Variants in MICAL3 observed in about 807,000 individuals in gnomAD.
MICAL3 encodes [F-actin]-monooxygenase MICAL3.
Under a neutral mutation model 207.4 loss-of-function variants are expected in MICAL3, and 62 were observed. The observed-to-expected ratio is 0.30, with a 90% CI of 0.24 to 0.37. The LOEUF (loss-of-function observed/expected upper bound fraction) is 0.37. Among genes scored for constraint, MICAL3 ranks in the 10% least tolerant of loss-of-function variants. The pLI, the probability that MICAL3 is intolerant of heterozygous loss-of-function variation, is 1.00. For synonymous variants in MICAL3, 1,077 were observed against 1,069.3 expected, an observed-to-expected ratio of 1.01 and a Z score of -0.14; for missense variants, 2,368 against 2,635.6, an observed-to-expected ratio of 0.90 and a Z score of 2.22.
chr22:17,961,381 G>A (rs1259014503), intron 1 of MICAL3, among the ~76,000 whole-genome samples: 1 of 152,156 alleles, frequency 6.6e-6, no homozygotes, highest in African/African-American at 2.4e-5. Flanking sequence ...ATAACCCGCG[G>A]CCATTCTCAC....
chr22:17,788,813 A>C lies in MICAL3; in HGVS notation c.*1919T>G, dbSNP rs1262192236. 1.3e-5 allele frequency: 2 copies of C among 152,480 alleles called. No homozygotes were observed. The highest frequency in any genetic ancestry group is 4.8e-5 in the African/African-American group (2 of 41,478). The allele number at this position is 152,480 out of a possible 1,614,324, so 9.4% of individuals were successfully genotyped here. ...CCTTTGCAGCTGGGATGAATGTTCA[A>C]GTTGAAGCACAGTGTGGTTCCCATG... is the stretch of plus-strand genomic sequence containing the variant. On this transcript the variant is annotated 3_prime_UTR_variant, in exon 32 of 32. Coordinates refer to ENST00000441493, the MANE Select transcript of MICAL3 (RefSeq NM_015241.3).
At chr22:17,822,778 C>T (rs774044874) in intron 23 of MICAL3, among the ~76,000 whole-genome samples, 169 bp downstream of exon 23, 27 of 152,160 alleles carry the variant, frequency 1.8e-4, no homozygotes, top group Non-Finnish European at 2.8e-4. Flanking sequence ...GCCTGGTGCT[C>T]GTGGGTAGGT....
chr22:17,823,212 C>T (rs770211023), intron 22 of MICAL3, among the ~76,000 whole-genome samples, 152 bp from the exon 23 acceptor site: 1 of 152,252 alleles, frequency 6.6e-6, no homozygotes, highest in Non-Finnish European at 1.5e-5. Context: ...GGGCTCTCCA[C>T]ACGTAGCATG....
chr22:17,912,031 G>A (rs182061501), intron 1 of MICAL3, among the ~76,000 whole-genome samples: 2 of 152,150 alleles, frequency 1.3e-5, no homozygotes, highest in African/African-American at 2.4e-5. Context: ...TAATTTGACC[G>A]TAAGTGAGGT....
At chr22:17,853,197 T>C (rs1925519417) in intron 19 of MICAL3, among the ~76,000 whole-genome samples, 1 of 152,172 alleles carries the variant, frequency 6.6e-6, no homozygotes, top group Non-Finnish European at 1.5e-5. Flanking sequence ...TCACATCCCA[T>C]TCACGCAGGC....
At chr22:17,809,454 T>C (rs1817791276) in intron 28 of MICAL3, among the ~76,000 whole-genome samples, 2 of 152,154 alleles carry the variant, frequency 1.3e-5, no homozygotes, top group South Asian at 4.1e-4. Context: ...GCTAGCATGG[T>C]GAAACCCTGT....
chr22:17,849,682 GTGTGTATT>G (rs1262897269), intron 19 of MICAL3, among the ~76,000 whole-genome samples: 1 of 114,516 alleles, frequency 8.7e-6, no homozygotes, highest in African/African-American at 3.6e-5. Flanking sequence ...GTGTGTGTGT[GTGTGTATT>G]TTTTTTTTTT....
In MICAL3 at chr22:17,818,386, G is replaced by A. The variant is rs1341574816; in HGVS notation, c.4275C>T (p.Ser1425=). 4 of 1,609,398 alleles carry A rather than the reference G, an allele frequency of 2.5e-6. No individual in the cohort carries two copies. Among genetic ancestry groups the A allele is most frequent in the Non-Finnish European group, 2.5e-6 (3 of 1,179,214 alleles). Residue 1425 remains serine (S), a synonymous_variant, in exon 26 of 32, where the codon AGC becomes AGT. Coordinates refer to ENST00000441493, the MANE Select transcript of MICAL3 (RefSeq NM_015241.3). ...AQEERRELSS[S]SGLGLHGSSS... ...AGCTCCCGTGCAGGCCCAGGCCAGA[G>A]CTGCTGGACAGCTCCCTGCGCTCCT...
chr22:17,881,915 T>C (rs1929469882), intron 16 of MICAL3, among the ~76,000 whole-genome samples: 1 of 152,236 alleles, frequency 6.6e-6, no homozygotes, highest in Admixed American at 6.5e-5. Flanking sequence ...CTCCACCGTA[T>C]TCCCTTCGAG....
intron 1 of MICAL3, among the ~76,000 whole-genome samples, chr22:17,997,221 G>A (rs1257301770): frequency 1.3e-5 from 2 of 151,642 alleles, no homozygotes; most frequent in Non-Finnish European, 2.9e-5. Flanking sequence ...ACACCACCAC[G>A]CCCAGCTAAT....
intron 30 of MICAL3, 22 bp downstream of exon 30, chr22:17,791,180 C>T (rs781436458): frequency 1.3e-5 from 21 of 1,612,058 alleles, no homozygotes; most frequent in Non-Finnish European, 1.7e-5. Context: ...AGCGCTGACG[C>T]CCCCTACCCA....
At chr22:17,998,716 A>C (rs1429824637) in intron 1 of MICAL3, among the ~76,000 whole-genome samples, 2 of 151,870 alleles carry the variant, frequency 1.3e-5, no homozygotes, top group African/African-American at 4.8e-5. Context: ...GCGCACCACC[A>C]CGCCCAGCTG....
At chr22:17,931,049 C>A (rs1248555195) in intron 1 of MICAL3, among the ~76,000 whole-genome samples, 2 of 152,226 alleles carry the variant, frequency 1.3e-5, no homozygotes, top group Non-Finnish European at 2.9e-5. Context: ...TGAGCTCGGG[C>A]CTGTCCAACC....
intron 1 of MICAL3, among the ~76,000 whole-genome samples, chr22:17,995,861 A>C (rs1032571279): frequency 6.6e-6 from 1 of 151,866 alleles, no homozygotes; most frequent in Non-Finnish European, 1.5e-5. Context: ...GAACTCACCA[A>C]TGAGAAAAAG....
At chr22:17,959,297 G>C (rs141369450) in intron 1 of MICAL3, among the ~76,000 whole-genome samples, 1 of 151,378 alleles carries the variant, frequency 6.6e-6, no homozygotes, top group East Asian at 1.9e-4. Flanking sequence ...TTACAGGTGT[G>C]AGCCACCGTG....
At chr22:17,955,637 A>G (rs1027476112) in intron 1 of MICAL3, among the ~76,000 whole-genome samples, 1 of 152,222 alleles carries the variant, frequency 6.6e-6, no homozygotes, top group African/African-American at 2.4e-5. Context: ...TAATATCCTC[A>G]TTTAATTCTT....
chr22:17,890,500 A>G (rs1930311491), intron 12 of MICAL3, among the ~76,000 whole-genome samples: 2 of 152,012 alleles, frequency 1.3e-5, no homozygotes, highest in African/African-American at 2.4e-5. Context: ...AATAAGCCCT[A>G]TTTTTACTTA....
intron 5 of MICAL3, among the ~76,000 whole-genome samples, chr22:17,901,487 G>A (rs76558595): frequency 0.039 from 5,925 of 152,036 alleles, 176 homozygotes; most frequent in Non-Finnish European, 0.058. Flanking sequence ...CATGCAACAT[G>A]GCGAAAACCC....
At chr22:18,019,717 G>GA (rs1216816467) in intron 1 of MICAL3, 3 of 175,158 alleles carry the variant, frequency 1.7e-5, no homozygotes, top group South Asian at 2.6e-4. Flanking sequence ...AAAAGAAAAA[G>GA]AAAAAAAGGG....
Sources: allele counts gnomAD v4.1 joint callset (sites outside exome capture counted in the v4.1 genomes callset), GRCh38; gene constraint gnomAD v4.1.1; transcripts MANE v1.5; gene names NCBI Gene and HGNC (gene_info 2026-07-23, HGNC 2026-07-21).